Variants in PTPRK observed in about 807,000 individuals in gnomAD.
PTPRK encodes protein tyrosine phosphatase receptor type K, also known as receptor-type tyrosine-protein phosphatase kappa.
In PTPRK, 75 loss-of-function variants were observed where a neutral mutation model predicts 178.0. The observed-to-expected ratio is 0.42, with a 90% CI of 0.35 to 0.51. The LOEUF (loss-of-function observed/expected upper bound fraction) is 0.51, where lower values mean the gene tolerates loss of function less well. Among genes scored for constraint, PTPRK ranks in the 20% least tolerant of loss-of-function variants. The pLI is 0.02. For synonymous variants in PTPRK, 637 were observed against 620.6 expected (o/e 1.03, Z -0.39); for missense variants, 1,441 against 1,797.8 (o/e 0.80, Z 3.59).
At position 128,043,643 on chromosome 6, in the gene PTPRK, C is replaced by CA. The variant is rs5879874; in HGVS notation, c.2194+21114dup. On this transcript the variant is annotated intron_variant, in intron 13 of 29. Coordinates refer to ENST00000368226, the MANE Select transcript of PTPRK (RefSeq NM_002844.4). ...TAATGCATTTTGTTGCTTGAAGGGGCAAAAAAAAAAGAGAAAGATAGATGT... is the reference window on the plus strand; with the variant it reads ...TAATGCATTTTGTTGCTTGAAGGGGCAAAAAAAAAAAGAGAAAGATAGATGT... Among the ~76,000 whole-genome samples, 338 of 150,472 alleles carry CA rather than the reference C, an allele frequency of 2.2e-3. 2 individuals are homozygous for CA. The highest frequency in any genetic ancestry group is 7.7e-3 in the African/African-American group (313 of 40,786).
rs114600262 is a variant in PTPRK, at chr6:128,223,819, T to A, written c.694-4723A>T. On this transcript the variant is annotated intron_variant, in intron 5 of 29. Coordinates refer to ENST00000368226, the MANE Select transcript of PTPRK (RefSeq NM_002844.4). ...TGTTAGCAGGACTAAAATTCAAAACTAGGTTTGATGACCTAAAATACAGCA... is the reference window on the plus strand; with the variant it reads ...TGTTAGCAGGACTAAAATTCAAAACAAGGTTTGATGACCTAAAATACAGCA... 9.4e-3 allele frequency among the ~76,000 whole-genome samples: 1,433 copies of A among 152,274 alleles called. 20 individuals carry two copies. The highest frequency in any genetic ancestry group is 0.033 in the African/African-American group (1,358 of 41,550).
intron 2 of PTPRK, among the ~76,000 whole-genome samples, chr6:128,369,766 G>A (rs1054461192): frequency 4.6e-5 from 7 of 152,036 alleles, no homozygotes; most frequent in African/African-American, 1.2e-4. Flanking sequence ...ACAAAGACGT[G>A]GATGCCATGT....
intron 7 of PTPRK, among the ~76,000 whole-genome samples, chr6:128,157,097 G>C (rs1311497160): frequency 6.6e-6 from 1 of 152,034 alleles, no homozygotes; most frequent in African/African-American, 2.4e-5. Flanking sequence ...TCTGAACTAT[G>C]ATGAGGCAGT....
intron 17 of PTPRK, among the ~76,000 whole-genome samples, 183 bp from the exon 18 acceptor site, chr6:127,995,721 T>C (rs1376735800): frequency 6.6e-6 from 1 of 152,080 alleles, no homozygotes; most frequent in Non-Finnish European, 1.5e-5. Flanking sequence ...CTTATAATAT[T>C]GTGTGACTTA....
At chr6:128,434,737 A>T (rs1845284083) in intron 1 of PTPRK, among the ~76,000 whole-genome samples, 1 of 152,106 alleles carries the variant, frequency 6.6e-6, no homozygotes, top group Non-Finnish European at 1.5e-5. Context: ...TCACTTCAGG[A>T]AAGGAATTTA....
chr6:128,421,467 T>C (rs1266290784), intron 1 of PTPRK, among the ~76,000 whole-genome samples: 1 of 152,204 alleles, frequency 6.6e-6, no homozygotes, highest in East Asian at 1.9e-4. Context: ...GTGTGTATTA[T>C]TTATTTTCCT....
intron 3 of PTPRK, among the ~76,000 whole-genome samples, chr6:128,278,166 T>C (rs1405530643): frequency 6.1e-5 from 9 of 148,228 alleles, no homozygotes; most frequent in Admixed American, 5.4e-4. Flanking sequence ...TTTATTTATT[T>C]ATTTATTTGA....
intron 1 of PTPRK, among the ~76,000 whole-genome samples, chr6:128,465,345 T>C (rs995273467): frequency 6.6e-6 from 1 of 152,172 alleles, no homozygotes; most frequent in African/African-American, 2.4e-5. Context: ...ATATTTTAAA[T>C]TCAAATTCCT....
chr6:128,284,618 G>A (rs1441351230), intron 3 of PTPRK, among the ~76,000 whole-genome samples: 1 of 152,158 alleles, frequency 6.6e-6, no homozygotes, highest in Non-Finnish European at 1.5e-5. Flanking sequence ...ACAAAAACAA[G>A]ATGACCTCCT....
chr6:128,354,231 G>GATTTTTTTTTT (rs1562341681), intron 2 of PTPRK, among the ~76,000 whole-genome samples: 6 of 49,358 alleles, frequency 1.2e-4, no homozygotes, highest in African/African-American at 5.6e-4. Flanking sequence ...TTTTGTTTAT[G>GATTTTTTTTTT]TTTTTTTTTT....
chr6:128,125,430 C>G (rs935300991), intron 7 of PTPRK, among the ~76,000 whole-genome samples: 2 of 151,996 alleles, frequency 1.3e-5, no homozygotes, highest in African/African-American at 4.8e-5. Flanking sequence ...TTGCCTTCTG[C>G]CATGATTGGA....
chr6:128,130,204 T>C (rs1794004147), intron 7 of PTPRK, among the ~76,000 whole-genome samples: 1 of 152,200 alleles, frequency 6.6e-6, no homozygotes, highest in Admixed American at 6.5e-5. Context: ...AATTTTTCTA[T>C]CTCACATTTT....
intron 1 of PTPRK, chr6:128,491,641 G>C (rs546577082): frequency 2.4e-6 from 1 of 413,158 alleles, no homozygotes; most frequent in African/African-American, 2.1e-5. Context: ...GATTAATTTA[G>C]ACAGGCTCAG....
At chr6:127,973,514 A>G in intron 28 of PTPRK, 150 bp downstream of exon 28, 1 of 789,326 alleles carries the variant, frequency 1.3e-6, no homozygotes. Flanking sequence ...TAAACTTAGT[A>G]GTTAATTATA....
chr6:128,262,475 A>T (rs1184341760), intron 3 of PTPRK, among the ~76,000 whole-genome samples: 1 of 152,144 alleles, frequency 6.6e-6, no homozygotes, highest in Non-Finnish European at 1.5e-5. Context: ...GACTCCCCAC[A>T]TACTAAAACA....
intron 1 of PTPRK, among the ~76,000 whole-genome samples, chr6:128,422,674 C>T (rs111507098): frequency 0.044 from 2,266 of 51,546 alleles, 91 homozygotes; most frequent in African/African-American, 0.21. Flanking sequence ...ATTTCACGGA[C>T]GCAAAAAAAA....
At chr6:128,010,947 C>T (rs1050894146) in intron 13 of PTPRK, among the ~76,000 whole-genome samples, 8 of 151,052 alleles carry the variant, frequency 5.3e-5, no homozygotes, top group African/African-American at 1.9e-4. Flanking sequence ...TACCTTAAGG[C>T]TTTCAAATTA....
At chr6:128,358,416 T>C (rs141932868) in intron 2 of PTPRK, among the ~76,000 whole-genome samples, 5 of 152,280 alleles carry the variant, frequency 3.3e-5, no homozygotes, top group South Asian at 2.1e-4. Flanking sequence ...ATATTCAGAG[T>C]AACCCAACAG....
At chr6:128,176,969 C>T (rs1445523518) in intron 7 of PTPRK, among the ~76,000 whole-genome samples, 1 of 151,542 alleles carries the variant, frequency 6.6e-6, no homozygotes, top group Non-Finnish European at 1.5e-5. Context: ...AGATTTCTTT[C>T]ATATTTCAAA....
Sources: gnomAD v4.1 joint callset for allele counts (sites outside exome capture counted in the v4.1 genomes callset) on GRCh38, gnomAD v4.1.1 for gene constraint, MANE v1.5 for transcripts, NCBI Gene and HGNC (gene_info 2026-07-23, HGNC 2026-07-21) for gene names.